RBM33: variants seen among roughly 807,000 people sequenced by gnomAD.
RBM33 encodes RNA-binding protein 33.
RBM33 carries 28 observed loss-of-function variants against 132.6 expected under a neutral mutation model. The ratio of observed to expected loss-of-function variants is 0.21; its 90% CI spans 0.16 to 0.29. RBM33 has a LOEUF of 0.29. Ranked by LOEUF, RBM33 falls within the 10% of genes least tolerant of loss-of-function variation. RBM33 has a pLI of 1.00. For synonymous variants in RBM33, 634 were observed against 593.0 expected, an observed-to-expected ratio of 1.07 and a Z score of -1.01; for missense variants, 1,291 against 1,518.5, an observed-to-expected ratio of 0.85 and a Z score of 2.49.
rs1379910981 is a variant in RBM33, at chr7:155,646,061, T to C, written c.43+1142T>C. Among the ~76,000 whole-genome samples the C allele has an allele frequency of 3.3e-5, 5 of 152,358 alleles. No homozygotes were observed. In the East Asian group the frequency reaches 9.6e-4, roughly 29 times the overall value. On this transcript the variant is annotated intron_variant, in intron 1 of 17. Coordinates refer to ENST00000401878, the MANE Select transcript of RBM33 (RefSeq NM_053043.3). ...TTAAAATGTATAGTTCACCTATCTT[T>C]CTGGGGGTCAGAATTACTTGTTTTA... is the stretch of plus-strand genomic sequence containing the variant.
At chr7:155,693,750 T>C (rs1461312869) in intron 5 of RBM33, among the ~76,000 whole-genome samples, 1 of 152,026 alleles carries the variant, frequency 6.6e-6, no homozygotes, top group African/African-American at 2.4e-5. Context: ...CCCGGCTGCA[T>C]TGTAGAATAT....
intron 13 of RBM33, among the ~76,000 whole-genome samples, chr7:155,742,813 CA>C (rs1336995484): frequency 2.6e-5 from 4 of 152,228 alleles, no homozygotes; most frequent in African/African-American, 9.6e-5. Context: ...TCTTCTCCCA[CA>C]AGCCTCAGTC....
chr7:155,774,223 A>C lies in RBM33; in HGVS notation c.3376-336A>C, dbSNP rs137950214. Among the ~76,000 whole-genome samples, 637 of 152,328 alleles carry C rather than the reference A, an allele frequency of 4.2e-3. 6 individuals are homozygous for C. Among genetic ancestry groups the C allele is most frequent in the African/African-American group, 0.015 (604 of 41,568 alleles). On this transcript the variant is annotated intron_variant, in intron 16 of 17. Coordinates refer to ENST00000401878, the MANE Select transcript of RBM33 (RefSeq NM_053043.3). The surrounding 1 kb of genome is among the most constrained non-coding windows in gnomAD (Gnocchi z 4.2). ...AAAAATCACCTGATAAGAAGGCGTG[A>C]GAAGAGGAGATGTCTCTATCCAAGG...
At position 155,748,155 on chromosome 7, in the gene RBM33, T is replaced by C. The variant is rs1052694975; in HGVS notation, c.2979+2553T>C. On this transcript the variant is annotated intron_variant, in intron 14 of 17. Coordinates refer to ENST00000401878, the MANE Select transcript of RBM33 (RefSeq NM_053043.3). ...GCATGGCACCCATACAGGATATTAT[T>C]ATCTACATCTTAGTTTTACGATTAC... is the stretch of plus-strand genomic sequence containing the variant. 3.9e-5 allele frequency among the ~76,000 whole-genome samples: 6 copies of C among 152,368 alleles called. No homozygotes were observed. The East Asian group carries it at 7.7e-4, about 20-fold the overall frequency.
At chr7:155,715,097 A>G (rs1800421664) in intron 8 of RBM33, among the ~76,000 whole-genome samples, 1 of 152,132 alleles carries the variant, frequency 6.6e-6, no homozygotes, top group Admixed American at 6.5e-5. Flanking sequence ...GCTCATCCAC[A>G]CATCCTCTTA....
chr7:155,743,184 G>A (rs1801405980), intron 13 of RBM33, among the ~76,000 whole-genome samples: 1 of 152,132 alleles, frequency 6.6e-6, no homozygotes, highest in South Asian at 2.1e-4. Context: ...GTGACTTTTG[G>A]TTTTAAAATC....
chr7:155,679,767 A>G lies in RBM33; in HGVS notation c.249-823A>G, dbSNP rs143553901. On this transcript the variant is annotated intron_variant, in intron 4 of 17. Coordinates refer to ENST00000401878, the MANE Select transcript of RBM33 (RefSeq NM_053043.3). ...TTGAGTTAGATTGTCTTTTAGAAAT[A>G]CATCATTGAAGTTTTTTAGACACAG... Among the ~76,000 whole-genome samples the G allele has an allele frequency of 1.8e-3, 281 of 152,356 alleles. 2 individuals are homozygous for G. The highest frequency in any genetic ancestry group is 6.4e-3 in the African/African-American group (268 of 41,596).
At chr7:155,689,916 G>A (rs1341992619) in intron 5 of RBM33, among the ~76,000 whole-genome samples, 1 of 152,160 alleles carries the variant, frequency 6.6e-6, no homozygotes, top group Non-Finnish European at 1.5e-5. Flanking sequence ...TTTGGAATAA[G>A]TGTGATGTGC....
intron 9 of RBM33, among the ~76,000 whole-genome samples, chr7:155,720,171 A>G (rs1585484467): frequency 6.6e-6 from 1 of 152,216 alleles, no homozygotes; most frequent in Admixed American, 6.5e-5. Context: ...TGTGTGGGTG[A>G]TCAGAAATAG....
At chr7:155,657,018 T>C (rs1798511598) in intron 1 of RBM33, among the ~76,000 whole-genome samples, 1 of 152,090 alleles carries the variant, frequency 6.6e-6, no homozygotes, top group Non-Finnish European at 1.5e-5. Context: ...TGGCATATAT[T>C]ATGTGGTCAA....
chr7:155,763,087 A>C (rs1478224703), intron 14 of RBM33, among the ~76,000 whole-genome samples: 1 of 152,220 alleles, frequency 6.6e-6, no homozygotes, highest in Non-Finnish European at 1.5e-5. Context: ...CGATGAACAG[A>C]CTGTTAATAA....
At chr7:155,712,376 C>A (rs1174740968) in intron 8 of RBM33, among the ~76,000 whole-genome samples, 2 of 152,234 alleles carry the variant, frequency 1.3e-5, no homozygotes, top group African/African-American at 4.8e-5. Flanking sequence ...AGCTACTACT[C>A]TATTTTTGGC....
intron 8 of RBM33, among the ~76,000 whole-genome samples, chr7:155,712,275 A>G (rs973803145): frequency 9.2e-5 from 14 of 152,214 alleles, no homozygotes; most frequent in African/African-American, 3.4e-4. Context: ...TCTGATTATT[A>G]CTGAAACATG....
At chr7:155,648,456 A>G (rs1459186087) in intron 1 of RBM33, among the ~76,000 whole-genome samples, 1 of 152,208 alleles carries the variant, frequency 6.6e-6, no homozygotes, top group Non-Finnish European at 1.5e-5. Flanking sequence ...GCAGGAAAGT[A>G]TGAAGCATGG....
At chr7:155,703,549 A>G (rs1255868992) in intron 6 of RBM33, among the ~76,000 whole-genome samples, 1 of 152,244 alleles carries the variant, frequency 6.6e-6, no homozygotes. Context: ...TACTTAAGAA[A>G]GCTTGGTGCT....
chr7:155,650,601 T>A (rs530132212), intron 1 of RBM33, among the ~76,000 whole-genome samples: 10 of 152,342 alleles, frequency 6.6e-5, no homozygotes, highest in African/African-American at 2.4e-4. Flanking sequence ...ATTTATGATA[T>A]GTTGGTTTTT....
At position 155,745,704 on chromosome 7, in the gene RBM33, CTG is replaced by C. The variant is rs1231296551; in HGVS notation, c.2979+104_2979+105del. The C allele has an allele frequency of 4.3e-6, 5 of 1,161,730 alleles. No individual in the cohort carries two copies. The highest frequency in any genetic ancestry group is 1.6e-5 in the African/African-American group (1 of 63,994). The allele number at this position is 1,161,730 out of a possible 1,614,324, so 72.0% of individuals were successfully genotyped here. A position where few individuals can be genotyped will look rare whatever the true frequency, so the allele number is the denominator to read the frequency against. On this transcript the variant is annotated intron_variant, in intron 14 of 17. Coordinates refer to ENST00000401878, the MANE Select transcript of RBM33 (RefSeq NM_053043.3). This position sits in a 1 kb window ranked among gnomAD's most constrained non-coding sequence, Gnocchi z 4.1. The stretch of plus-strand genomic sequence containing the variant: ...TTGAAGAAAGAATTAAAAGTTACCT[CTG>C]TTATAGTCTTGTAACCAATCTCTAC...
intron 12 of RBM33, 135 bp from the exon 13 acceptor site, chr7:155,741,684 A>T: frequency 1.2e-6 from 1 of 827,888 alleles, no homozygotes; most frequent in Non-Finnish European, 1.9e-6. Flanking sequence ...GTATGAGAAA[A>T]AAGTATCTGC....
chr7:155,767,880 A>G (rs1449542213), intron 16 of RBM33, among the ~76,000 whole-genome samples: 1 of 152,256 alleles, frequency 6.6e-6, no homozygotes, highest in African/African-American at 2.4e-5. Context: ...AGCATTTTAG[A>G]TGGATTAAAA....
Sources: allele counts gnomAD v4.1 joint callset (sites outside exome capture counted in the v4.1 genomes callset), GRCh38; gene constraint gnomAD v4.1.1; non-coding constraint Gnocchi (gnomAD v3.1); transcripts MANE v1.5; gene names NCBI Gene and HGNC (gene_info 2026-07-23, HGNC 2026-07-21).